Variants in PDIA6 observed in about 807,000 individuals in gnomAD.
PDIA6 encodes protein disulfide-isomerase A6.
In PDIA6, 29 loss-of-function variants were observed where a neutral mutation model predicts 58.4. The observed-to-expected ratio is 0.50, with a 90% CI of 0.37 to 0.68. The LOEUF (loss-of-function observed/expected upper bound fraction) is 0.68, where lower values mean the gene tolerates loss of function less well. PDIA6 is among the 30% of genes least tolerant of loss of function. PDIA6 has a pLI of 0.00. For synonymous variants in PDIA6, 192 were observed against 202.6 expected, an observed-to-expected ratio of 0.95 and a Z score of 0.44; for missense variants, 480 against 551.0, an observed-to-expected ratio of 0.87 and a Z score of 1.29.
rs1359566212 is a variant in PDIA6, at chr2:10,819,320, C to T, written c.-13G>A. On this transcript the variant is annotated 5_prime_UTR_variant, in exon 2 of 14. Coordinates refer to the PDIA6 transcript ENST00000381611. ...TTGATGGATACATTATGGGACTTTT[C>T]CTTGATAGGGAGTGGGCAGGAGAAG... is the stretch of plus-strand genomic sequence containing the variant. 16 of 1,539,566 alleles carry T rather than the reference C, an allele frequency of 1.0e-5. 1 individual carries two copies. The highest frequency in any genetic ancestry group is 1.3e-5 in the Non-Finnish European group (15 of 1,136,746).
upstream of PDIA6, among the ~76,000 whole-genome samples, chr2:10,817,458 A>G (rs1216909996): frequency 6.6e-6 from 1 of 152,208 alleles, no homozygotes; most frequent in Non-Finnish European, 1.5e-5. Flanking sequence ...CTCTTGTTTT[A>G]GGGCTTGTGG....
At chr2:10,796,156 C>T (rs28652982) in intron 4 of PDIA6, among the ~76,000 whole-genome samples, 38,152 of 151,512 alleles carry the variant, frequency 0.25, 5,388 homozygotes, top group East Asian at 0.4. Context: ...CGGGTTCACG[C>T]CATTCTCCTG....
At position 10,803,911 on chromosome 2, in the gene PDIA6, G is replaced by GTTTTTTTTTTTTTTTT. The variant is rs754643092; in HGVS notation, c.20-1272_20-1271insAAAAAAAAAAAAAAAA. Among the ~76,000 whole-genome samples, 65 of 117,898 alleles carry GTTTTTTTTTTTTTTTT rather than the reference G, an allele frequency of 5.5e-4. 1 individual carries two copies. The highest frequency in any genetic ancestry group is 7.8e-4 in the Non-Finnish European group (44 of 56,562). 77.3% of individuals were successfully genotyped at this position (117,898 alleles called of 152,430 possible). ...TGCGTGTTTGTGTCCTAGTTTTTGT[G>GTTTTTTTTTTTTTTTT]TTTTTTTTTTTTTTTGAGACAGAGT... On this transcript the variant is annotated intron_variant, in intron 1 of 12. Transcript: ENST00000272227.
intron 12 of PDIA6, 99 bp downstream of exon 12, chr2:10,784,835 G>C: frequency 2.3e-6 from 2 of 853,390 alleles, no homozygotes; most frequent in South Asian, 1.5e-5. Context: ...CCAGGGCTGA[G>C]GTCTGATGGG....
intron 2 of PDIA6, among the ~76,000 whole-genome samples, chr2:10,801,495 A>C (rs570062043): frequency 1.1e-4 from 17 of 152,350 alleles, no homozygotes; most frequent in African/African-American, 3.8e-4. Context: ...GACGTTTAAC[A>C]ATACAACAGT....
chr2:10,816,413 C>A (rs1327792381), upstream of PDIA6, among the ~76,000 whole-genome samples: 3 of 145,554 alleles, frequency 2.1e-5, no homozygotes, highest in East Asian at 6.0e-4. Flanking sequence ...TTTCAAAACA[C>A]CATTTTCCTC....
chr2:10,830,846 C>T (rs939866904), intron 1 of PDIA6, among the ~76,000 whole-genome samples: 3 of 152,210 alleles, frequency 2.0e-5, no homozygotes, highest in Non-Finnish European at 2.9e-5. Flanking sequence ...CCACCCCCGC[C>T]GGCTGGTGGC....
chr2:10,815,114 AGGCTTCTG>A (rs1667153025), upstream of PDIA6, among the ~76,000 whole-genome samples: 4 of 108,678 alleles, frequency 3.7e-5, no homozygotes, highest in African/African-American at 1.4e-4. Context: ...GGAAATGCAC[AGGCTTCTG>A]GAAATGCACA....
intron 10 of PDIA6, among the ~76,000 whole-genome samples, 179 bp from the exon 11 acceptor site, chr2:10,787,618 T>C (rs1261697133): frequency 6.6e-6 from 1 of 152,090 alleles, no homozygotes; most frequent in Non-Finnish European, 1.5e-5. Flanking sequence ...CCAATATCAT[T>C]TGGGTTATTA....
intron 4 of PDIA6, among the ~76,000 whole-genome samples, chr2:10,794,577 G>T (rs929398119): frequency 2.0e-5 from 3 of 149,734 alleles, no homozygotes; most frequent in Non-Finnish European, 4.4e-5. Context: ...TGTGGCAGCC[G>T]GCCTTTTTTT....
chr2:10,819,132 T>C (rs893480986), intron 2 of PDIA6: 2 of 600,606 alleles, frequency 3.3e-6, no homozygotes, highest in African/African-American at 3.7e-5. Context: ...TCCTTCCTTC[T>C]TAAAGCAGAG....
chr2:10,828,063 C>T (rs181681551), intron 1 of PDIA6, among the ~76,000 whole-genome samples: 44 of 152,112 alleles, frequency 2.9e-4, no homozygotes, highest in African/African-American at 9.2e-4. Context: ...CATCCCACAC[C>T]GCAGCAGCCC....
chr2:10,810,710 G>A (rs1019706908), intron 1 of PDIA6, among the ~76,000 whole-genome samples: 2 of 152,062 alleles, frequency 1.3e-5, no homozygotes, highest in Non-Finnish European at 2.9e-5. Context: ...ATACTACTGA[G>A]AAAGAACAGA....
At position 10,784,401 on chromosome 2, in the gene PDIA6, A is replaced by G. The variant is rs1665597350; in HGVS notation, c.1255-75T>C. ...GGAAGGTCAACATCTCATTTTATGGAAGAGCGACTCTCTGGAGCTACTCCT... is the reference window on the plus strand; with the variant it reads ...GGAAGGTCAACATCTCATTTTATGGGAGAGCGACTCTCTGGAGCTACTCCT... On this transcript the variant is annotated intron_variant, in intron 12 of 12. Transcript: ENST00000272227. The G allele has an allele frequency of 2.6e-6, 3 of 1,136,352 alleles. No homozygotes were observed. In the African/African-American group the frequency reaches 4.6e-5, roughly 17 times the overall value. The allele number at this position is 1,136,352 out of a possible 1,614,324, so 70.4% of individuals were successfully genotyped here. A position where few individuals can be genotyped will look rare whatever the true frequency, so the allele number is the denominator to read the frequency against.
intron 10 of PDIA6, among the ~76,000 whole-genome samples, chr2:10,788,325 T>C (rs960665117): frequency 1.8e-4 from 28 of 152,024 alleles, no homozygotes; most frequent in African/African-American, 6.8e-4. Flanking sequence ...CTTCTTTTCC[T>C]CCCATGATAA....
chr2:10,837,504 C>A, intron 1 of PDIA6: 1 of 704,742 alleles, frequency 1.4e-6, no homozygotes, highest in South Asian at 1.5e-5. Flanking sequence ...ATTTAAGGAG[C>A]ACTTATGCAG....
chr2:10,793,664 C>A (rs140279429), intron 4 of PDIA6, among the ~76,000 whole-genome samples: 1 of 152,070 alleles, frequency 6.6e-6, no homozygotes, highest in Non-Finnish European at 1.5e-5. Flanking sequence ...GTGTCCAGCC[C>A]GATTTCTCTT....
At chr2:10,819,656 C>G (rs968011077) in intron 1 of PDIA6, among the ~76,000 whole-genome samples, 4 of 152,238 alleles carry the variant, frequency 2.6e-5, no homozygotes, top group Admixed American at 2.6e-4. Flanking sequence ...CTGGACACAA[C>G]ATTGCACATT....
intron 1 of PDIA6, among the ~76,000 whole-genome samples, chr2:10,806,648 A>AGG (rs1558452576): frequency 6.5e-5 from 3 of 46,194 alleles, no homozygotes; most frequent in Non-Finnish European, 1.5e-4. Flanking sequence ...GAAAGAAAGA[A>AGG]AAACGTTACA....
Sources: allele counts gnomAD v4.1 joint callset (sites outside exome capture counted in the v4.1 genomes callset), GRCh38; gene constraint gnomAD v4.1.1; transcripts MANE v1.5; gene names NCBI Gene and HGNC (gene_info 2026-07-23, HGNC 2026-07-21).